The following NCOR2 variants were observed in gnomAD, a reference collection of about 807,000 sequenced individuals.
The protein encoded by NCOR2 is nuclear receptor corepressor 2.
NCOR2 carries 81 observed loss-of-function variants against 262.9 expected under a neutral mutation model. The observed-to-expected ratio is 0.31, with a 90% CI of 0.26 to 0.37. The LOEUF (loss-of-function observed/expected upper bound fraction) is 0.37, where lower values mean the gene tolerates loss of function less well. NCOR2 is among the 10% of genes least tolerant of loss of function. The probability of loss-of-function intolerance (pLI) is 1.00; values close to 1 mark genes in which losing one functional copy is unlikely to be tolerated. For synonymous variants in NCOR2, 1,659 were observed against 1,559.3 expected, an observed-to-expected ratio of 1.06 and a Z score of -1.51; for missense variants, 3,385 against 3,621.4, an observed-to-expected ratio of 0.93 and a Z score of 1.68.
chr12:124,370,222 T>C (rs1216462327), intron 20 of NCOR2, among the ~76,000 whole-genome samples: 1 of 152,168 alleles, frequency 6.6e-6, no homozygotes, highest in African/African-American at 2.4e-5. Context: ...TTTGGTGCCC[T>C]CAGAAACCCG....
At chr12:124,414,007 G>A (rs2042731530) in intron 13 of NCOR2, among the ~76,000 whole-genome samples, 1 of 140,708 alleles carries the variant, frequency 7.1e-6, no homozygotes, top group South Asian at 2.7e-4. Flanking sequence ...TGGGGTCCCC[G>A]CATCCAGCAT....
At chr12:124,553,307 T>C (rs1373307214) in intron 1 of NCOR2, among the ~76,000 whole-genome samples, 2 of 152,244 alleles carry the variant, frequency 1.3e-5, no homozygotes, top group Non-Finnish European at 2.9e-5. Context: ...GCAGCCTTAA[T>C]TCCATCTGCC....
intron 16 of NCOR2, among the ~76,000 whole-genome samples, chr12:124,392,184 TCTCCCCTAGGAGGGAAGGGGGGCTTG>T (rs1285059786): frequency 6.6e-6 from 1 of 152,090 alleles, no homozygotes; most frequent in African/African-American, 2.4e-5. Context: ...GATTCATGGG[TCTCCCCTAGGAGGGAAGGGGGGCTTG>T]TTGATGCCTG....
At chr12:124,422,924 G>A (rs938842221) in intron 11 of NCOR2, among the ~76,000 whole-genome samples, 2 of 152,224 alleles carry the variant, frequency 1.3e-5, no homozygotes, top group Non-Finnish European at 2.9e-5. Context: ...CTGGGAAGCA[G>A]GGCCTCACCC....
intron 43 of NCOR2, chr12:124,331,954 C>T: frequency 4.0e-6 from 1 of 248,030 alleles, no homozygotes; most frequent in Non-Finnish European, 8.0e-6. Flanking sequence ...GGCGTTCATA[C>T]CCAGCAACCA....
At chr12:124,497,780 C>G (rs2048452165), upstream of NCOR2, among the ~76,000 whole-genome samples, 1 of 152,214 alleles carries the variant, frequency 6.6e-6, no homozygotes, top group Non-Finnish European at 1.5e-5. The surrounding 1 kb of genome is among the most constrained non-coding windows in gnomAD (Gnocchi z 4.2). Flanking sequence ...ATACTGCTGT[C>G]ACCAGGACTG....
chr12:124,431,590 T>C (rs1404449925), intron 8 of NCOR2, among the ~76,000 whole-genome samples: 1 of 142,030 alleles, frequency 7.0e-6, no homozygotes, highest in African/African-American at 2.7e-5. Context: ...CACACACAGA[T>C]ATATGCACAG....
At chr12:124,336,551 CA>C in intron 38 of NCOR2, 22 of 958,772 alleles carry the variant, frequency 2.3e-5, no homozygotes, top group South Asian at 4.8e-5. Context: ...AAACCAACAA[CA>C]AAAAAAACGG....
chr12:124,335,047 G>C, intron 40 of NCOR2, 88 bp downstream of exon 42: 1 of 1,597,326 alleles, frequency 6.3e-7, no homozygotes, highest in Non-Finnish European at 8.6e-7. Context: ...CGCCAGGACA[G>C]AAGGGCTGTG....
chr12:124,336,719 T>C (rs748065762), intron 38 of NCOR2, 34 bp downstream of exon 40: 22 of 1,607,966 alleles, frequency 1.4e-5, no homozygotes, highest in Non-Finnish European at 1.8e-5. Context: ...GATAATCGCG[T>C]CTATGAAGGT....
intron 34 of NCOR2, 36 bp downstream of exon 36, chr12:124,341,787 C>T: frequency 6.4e-7 from 1 of 1,570,306 alleles, no homozygotes; most frequent in Non-Finnish European, 8.6e-7. Context: ...GGGAATAAGG[C>T]CAAACCCAGC....
At chr12:124,371,194 C>A (rs2039478267) in intron 20 of NCOR2, among the ~76,000 whole-genome samples, 1 of 150,558 alleles carries the variant, frequency 6.6e-6, no homozygotes, top group Non-Finnish European at 1.5e-5. Flanking sequence ...ACTCAGTGCC[C>A]CCACCCCCGT....
chr12:124,334,090 T>C (rs1003762193), intron 41 of NCOR2, among the ~76,000 whole-genome samples: 1 of 152,004 alleles, frequency 6.6e-6, no homozygotes, highest in African/African-American at 2.4e-5. Flanking sequence ...CTACTGACTG[T>C]GCCCCTGTGG....
At chr12:124,509,009 C>T (rs1405027920) in intron 1 of NCOR2, among the ~76,000 whole-genome samples, 3 of 152,158 alleles carry the variant, frequency 2.0e-5, no homozygotes, top group Admixed American at 1.3e-4. Context: ...CCTGCTCCAC[C>T]CCAATGGGAC....
At chr12:124,451,710 G>C (rs2045551254) in intron 6 of NCOR2, among the ~76,000 whole-genome samples, 1 of 152,212 alleles carries the variant, frequency 6.6e-6, no homozygotes, top group South Asian at 2.1e-4. Context: ...ATGGAACAGG[G>C]AAGGATGGAG....
In NCOR2 at chr12:124,438,034, C is replaced by T. The variant is rs771969777; in HGVS notation, c.816-38G>A. 8.9e-6 allele frequency: 14 copies of T among 1,576,446 alleles called. No individual in the cohort carries two copies. The South Asian group carries it at 9.2e-5, about 10-fold the overall frequency. On this transcript the variant is annotated intron_variant, in intron 7 of 46. Coordinates refer to ENST00000405201, the Ensembl canonical transcript of NCOR2. ...GAAGCGGCAGACAGGTCAGCCCGGC[C>T]GGGCTCAGGCGCTGCACCCCGTGCC...
chr12:124,509,616 C>A (rs2049275468), intron 1 of NCOR2, among the ~76,000 whole-genome samples: 1 of 152,086 alleles, frequency 6.6e-6, no homozygotes, highest in African/African-American at 2.4e-5. Context: ...CCAAAGCCAG[C>A]CAAGAAGAGG....
At chr12:124,365,048 G>C (rs923436785) in intron 20 of NCOR2, among the ~76,000 whole-genome samples, 1 of 147,576 alleles carries the variant, frequency 6.8e-6, no homozygotes, top group Admixed American at 6.8e-5. Flanking sequence ...TGCGTTTGCA[G>C]GTATGGAGAT....
chr12:124,436,361 G>A (rs1036410805), intron 8 of NCOR2, among the ~76,000 whole-genome samples: 12 of 152,122 alleles, frequency 7.9e-5, no homozygotes, highest in African/African-American at 2.9e-4. Flanking sequence ...GAGGAGGTGG[G>A]GCAGGGGGCT....
Sources: allele counts gnomAD v4.1 joint callset (sites outside exome capture counted in the v4.1 genomes callset), GRCh38; gene constraint gnomAD v4.1.1; non-coding constraint Gnocchi (gnomAD v3.1); transcripts MANE v1.5; gene names NCBI Gene and HGNC (gene_info 2026-07-23, HGNC 2026-07-21).